Variants in MAP7 observed in about 807,000 individuals in gnomAD.
MAP7 encodes microtubule associated protein 7.
A neutral mutation model predicts 94.8 loss-of-function variants in MAP7; 52 were observed. That is an observed-to-expected ratio of 0.55 (90% CI 0.44 to 0.69). MAP7 has a LOEUF of 0.69. Among genes scored for constraint, MAP7 ranks in the 30% least tolerant of loss-of-function variants. The pLI is 0.00. For synonymous variants in MAP7, 350 were observed against 357.0 expected, an observed-to-expected ratio of 0.98 and a Z score of 0.22; for missense variants, 940 against 964.6, an observed-to-expected ratio of 0.97 and a Z score of 0.34.
chr6:136,539,463 A>C (rs1829142540), intron 1 of MAP7, among the ~76,000 whole-genome samples: 1 of 152,212 alleles, frequency 6.6e-6, no homozygotes, highest in Non-Finnish European at 1.5e-5. Flanking sequence ...ATATAATCTT[A>C]AAGAGAAATC....
At chr6:136,403,550 C>G (rs1346293452) in intron 3 of MAP7, among the ~76,000 whole-genome samples, 1 of 152,232 alleles carries the variant, frequency 6.6e-6, no homozygotes, top group African/African-American at 2.4e-5. Flanking sequence ...ACCACAGCTC[C>G]TTCTCTGTAC....
chr6:136,451,578 C>G (rs1449849103), intron 1 of MAP7, among the ~76,000 whole-genome samples: 1 of 152,198 alleles, frequency 6.6e-6, no homozygotes, highest in East Asian at 1.9e-4. Flanking sequence ...AGAAGTAATT[C>G]TGACTCTCAA....
chr6:136,487,205 T>C (rs567087905), intron 1 of MAP7, among the ~76,000 whole-genome samples: 62 of 152,330 alleles, frequency 4.1e-4, no homozygotes, highest in African/African-American at 1.4e-3. Context: ...ATCTTAACCA[T>C]TGCAGAAGAA....
chr6:136,498,240 A>T (rs2129004344), intron 1 of MAP7, among the ~76,000 whole-genome samples: 1 of 152,196 alleles, frequency 6.6e-6, no homozygotes, highest in East Asian at 1.9e-4. Context: ...TGCACACTGT[A>T]AAGTTAAACC....
chr6:136,414,215 T>A (rs1788509147), intron 2 of MAP7, among the ~76,000 whole-genome samples: 1 of 109,844 alleles, frequency 9.1e-6, no homozygotes, highest in East Asian at 3.1e-4. Context: ...ATCGCGCCAC[T>A]GCACTCCAGC....
At chr6:136,347,652 C>T (rs186707306) in intron 16 of MAP7, among the ~76,000 whole-genome samples, 178 of 152,182 alleles carry the variant, frequency 1.2e-3, no homozygotes, top group Non-Finnish European at 1.9e-3. Flanking sequence ...GTGATCTGCC[C>T]CCATCGGCCT....
intron 1 of MAP7, among the ~76,000 whole-genome samples, chr6:136,517,592 T>C (rs1419167945): frequency 6.6e-6 from 1 of 152,236 alleles, no homozygotes; most frequent in Non-Finnish European, 1.5e-5. Context: ...ATTTTATTCA[T>C]TTCATTTCAC....
intron 3 of MAP7, among the ~76,000 whole-genome samples, chr6:136,399,157 A>G (rs1456565360): frequency 6.6e-6 from 1 of 152,178 alleles, no homozygotes; most frequent in Non-Finnish European, 1.5e-5. Flanking sequence ...TGATGAGAAC[A>G]TCTGAGTTTG....
At chr6:136,350,708 A>T (rs767337937) in intron 16 of MAP7, among the ~76,000 whole-genome samples, 4 of 152,174 alleles carry the variant, frequency 2.6e-5, no homozygotes, top group Non-Finnish European at 4.4e-5. Flanking sequence ...ATATGTTTTA[A>T]ATTAGCTGGG....
intron 6 of MAP7, among the ~76,000 whole-genome samples, chr6:136,382,429 G>T (rs1778059502): frequency 6.6e-6 from 1 of 152,170 alleles, no homozygotes; most frequent in Non-Finnish European, 1.5e-5. Flanking sequence ...ATAGACAACT[G>T]TAAGAGTAAC....
chr6:136,541,315 T>C (rs1562495645), intron 1 of MAP7, among the ~76,000 whole-genome samples: 1 of 152,194 alleles, frequency 6.6e-6, no homozygotes, highest in Non-Finnish European at 1.5e-5. Context: ...CCTTGACATT[T>C]AAACTGATCC....
At chr6:136,520,180 A>G (rs1825962931) in intron 1 of MAP7, among the ~76,000 whole-genome samples, 1 of 150,780 alleles carries the variant, frequency 6.6e-6, no homozygotes, top group South Asian at 2.1e-4. Context: ...AGCCTGGAAA[A>G]CAGAGCAAGA....
At chr6:136,460,329 A>T (rs1425935880) in intron 1 of MAP7, among the ~76,000 whole-genome samples, 1 of 152,184 alleles carries the variant, frequency 6.6e-6, no homozygotes, top group African/African-American at 2.4e-5. Flanking sequence ...GAAAATTGCT[A>T]AAGCTGCATT....
intron 16 of MAP7, among the ~76,000 whole-genome samples, chr6:136,346,845 C>T (rs1334426099): frequency 3.9e-5 from 6 of 152,132 alleles, no homozygotes; most frequent in African/African-American, 1.2e-4. Flanking sequence ...GCTAAATGCA[C>T]GATCTCTTAA....
intron 7 of MAP7, 41 bp downstream of exon 7, chr6:136,377,714 G>T: frequency 2.1e-6 from 3 of 1,432,920 alleles, no homozygotes; most frequent in Non-Finnish European, 3.0e-6. Flanking sequence ...TCAAAGGGAG[G>T]ACTTGACCTC....
intron 16 of MAP7, among the ~76,000 whole-genome samples, chr6:136,353,838 C>A (rs1417456591): frequency 6.6e-6 from 1 of 152,164 alleles, no homozygotes; most frequent in Non-Finnish European, 1.5e-5. Context: ...CAGGCGTAAG[C>A]CACCATGCCC....
chr6:136,448,946 C>G (rs1800182761), intron 1 of MAP7, among the ~76,000 whole-genome samples: 1 of 151,356 alleles, frequency 6.6e-6, no homozygotes, highest in African/African-American at 2.4e-5. Context: ...TCTGTTCCCC[C>G]ACTTAAAGCA....
intron 1 of MAP7, among the ~76,000 whole-genome samples, chr6:136,508,129 C>T (rs1822129813): frequency 6.6e-6 from 1 of 152,042 alleles, no homozygotes; most frequent in South Asian, 2.1e-4. Flanking sequence ...AGTTTGAGAC[C>T]AGCCTGGGCA....
At chr6:136,445,406 T>C (rs1799024246) in intron 1 of MAP7, among the ~76,000 whole-genome samples, 2 of 152,168 alleles carry the variant, frequency 1.3e-5, no homozygotes, top group Admixed American at 1.3e-4. Flanking sequence ...GATCCCCTTG[T>C]CCTGTCAAAT....
Sources: allele counts gnomAD v4.1 joint callset (sites outside exome capture counted in the v4.1 genomes callset), GRCh38; gene constraint gnomAD v4.1.1; transcripts MANE v1.5; gene names NCBI Gene and HGNC (gene_info 2026-07-23, HGNC 2026-07-21).